Variants in GALNT17 observed in about 807,000 individuals in gnomAD.
GALNT17 encodes the protein UDP-GalNAc:polypeptide N-acetylgalactosaminyltransferase-like 3.
Under a neutral mutation model 63.7 loss-of-function variants are expected in GALNT17, and 29 were observed. The observed-to-expected ratio is 0.46, with a 90% confidence interval of 0.34 to 0.62. GALNT17 has a LOEUF of 0.62. GALNT17 is among the 20% of genes least tolerant of loss of function. The probability of loss-of-function intolerance (pLI) is 0.01; values close to 1 mark genes in which losing one functional copy is unlikely to be tolerated. For synonymous variants in GALNT17, 305 were observed against 318.3 expected, an observed-to-expected ratio of 0.96 and a Z score of 0.45; for missense variants, 603 against 799.6, an observed-to-expected ratio of 0.75 and a Z score of 2.97.
intron 5 of GALNT17, among the ~76,000 whole-genome samples, chr7:71,456,790 C>G (rs538580229): frequency 6.6e-6 from 1 of 152,240 alleles, no homozygotes; most frequent in South Asian, 2.1e-4. Context: ...CAGGACACAC[C>G]TGTGACACAG....
chr7:71,246,118 T>G (rs1479147107), intron 1 of GALNT17, among the ~76,000 whole-genome samples: 9 of 111,446 alleles, frequency 8.1e-5, no homozygotes, highest in Middle Eastern at 4.0e-3. Context: ...TTTCGTTGTT[T>G]TTTTTTTTTT....
At chr7:71,187,135 T>G (rs547653843) in intron 1 of GALNT17, among the ~76,000 whole-genome samples, 1 of 152,252 alleles carries the variant, frequency 6.6e-6, no homozygotes, top group Admixed American at 6.5e-5. Flanking sequence ...TGTTTTGTTT[T>G]TAGAGACAAG....
chr7:71,132,974 C>T lies in GALNT17; in HGVS notation c.172C>T (p.Pro58Ser), dbSNP rs1369986625. 2 of 1,609,240 alleles carry T rather than the reference C, an allele frequency of 1.2e-6. No homozygotes were observed. The highest frequency in any genetic ancestry group is 1.7e-6 in the Non-Finnish European group (2 of 1,179,100). ...VANLSAHSAS[P>S]IQDAVLKRLS... ...CAACCTCAGCGCGCACAGCGCCAGC[C>T]CCATCCAGGATGCGGTCCTGAAGCG... The change falls in exon 1 of 11, where the codon CCC (proline) becomes TCC (serine). Residue 58 changes from proline (P) to serine (S), a missense_variant. Pro to Ser is a moderately conservative substitution (Grantham distance 74). This residue lies in a region of GALNT17 where 195 missense variants were observed against 215.0 expected (regional missense o/e 0.91). Transcript: ENST00000333538.
At chr7:71,622,800 A>G (rs571510819) in intron 6 of GALNT17, among the ~76,000 whole-genome samples, 24 of 152,308 alleles carry the variant, frequency 1.6e-4, no homozygotes, top group African/African-American at 4.6e-4. Flanking sequence ...GTTCTAAGGC[A>G]CTATAGGTAG....
chr7:71,263,185 C>T (rs887955988), intron 1 of GALNT17, among the ~76,000 whole-genome samples: 1 of 151,782 alleles, frequency 6.6e-6, no homozygotes, highest in African/African-American at 2.4e-5. Flanking sequence ...TGGTGAAACC[C>T]TGTCTCTACT....
chr7:71,496,691 C>T (rs1788100855), intron 5 of GALNT17, among the ~76,000 whole-genome samples: 1 of 150,844 alleles, frequency 6.6e-6, no homozygotes, highest in Admixed American at 6.6e-5. Context: ...CCTGAGGAAG[C>T]ATAAGAGCCA....
intron 1 of GALNT17, among the ~76,000 whole-genome samples, chr7:71,325,317 A>G (rs190352928): frequency 1.3e-5 from 2 of 152,252 alleles, no homozygotes; most frequent in East Asian, 1.9e-4. Flanking sequence ...GAAACTTCCA[A>G]ACAAATGCCT....
At chr7:71,279,470 G>A (rs534965475) in intron 1 of GALNT17, among the ~76,000 whole-genome samples, 7 of 151,878 alleles carry the variant, frequency 4.6e-5, no homozygotes, top group Non-Finnish European at 8.8e-5. Context: ...CAGCAAGACC[G>A]TATCAACCTT....
chr7:71,547,030 C>T (rs1034837451), intron 5 of GALNT17, among the ~76,000 whole-genome samples: 3 of 151,868 alleles, frequency 2.0e-5, no homozygotes, highest in Non-Finnish European at 2.9e-5. Context: ...CTCACTCTGT[C>T]GCCCAGGCTG....
At chr7:71,230,038 A>G (rs1789758929) in intron 1 of GALNT17, among the ~76,000 whole-genome samples, 1 of 152,164 alleles carries the variant, frequency 6.6e-6, no homozygotes, top group African/African-American at 2.4e-5. Context: ...GCTGCAAGGA[A>G]GAGCCAAGGA....
chr7:71,214,219 T>A (rs961056519), intron 1 of GALNT17, among the ~76,000 whole-genome samples: 2 of 152,222 alleles, frequency 1.3e-5, no homozygotes, highest in Non-Finnish European at 2.9e-5. Context: ...CTATGAATAG[T>A]TCCTTCAGGT....
chr7:71,712,316 C>T lies in GALNT17; in HGVS notation c.*170C>T, dbSNP rs73356109. The T allele has an allele frequency of 2.7e-6, 2 of 749,298 alleles. No homozygotes were observed. The highest frequency in any genetic ancestry group is 2.0e-5 in the South Asian group (1 of 50,486). 46.4% of individuals were successfully genotyped at this position (749,298 alleles called of 1,614,324 possible). A position where few individuals can be genotyped will look rare whatever the true frequency, so the allele number is the denominator to read the frequency against. On this transcript the variant is annotated 3_prime_UTR_variant, in exon 11 of 11. Coordinates refer to ENST00000333538, the MANE Select transcript of GALNT17 (RefSeq NM_022479.3). ...GACCCCGGATGAAGACTCTGTCCCC[C>T]CTCAGGCATTCAGCTGCCCACAAGT...
intron 1 of GALNT17, among the ~76,000 whole-genome samples, chr7:71,295,708 C>T (rs28670821): frequency 0.18 from 28,015 of 151,924 alleles, 2,809 homozygotes; most frequent in East Asian, 0.32. Context: ...AAGCAATCCT[C>T]CTGCCTCAGC....
At chr7:71,265,592 A>C (rs1380200033) in intron 1 of GALNT17, among the ~76,000 whole-genome samples, 4 of 152,204 alleles carry the variant, frequency 2.6e-5, no homozygotes, top group African/African-American at 9.7e-5. Context: ...GTGACTGATT[A>C]GCAGAGATTT....
chr7:71,327,743 C>A lies in GALNT17; in HGVS notation c.239-7807C>A, dbSNP rs530653985. Among the ~76,000 whole-genome samples the A allele has an allele frequency of 2.0e-5, 3 of 152,248 alleles. No individual in the cohort carries two copies. The East Asian group carries it at 5.8e-4, about 29-fold the overall frequency. On this transcript the variant is annotated intron_variant, in intron 1 of 10. Coordinates refer to ENST00000333538, the MANE Select transcript of GALNT17 (RefSeq NM_022479.3). ...TAGTGAATGACCCCAGGGCTAGCAA[C>A]AGAGAGGGAAGAAATTGCCACCCTA...
intron 5 of GALNT17, among the ~76,000 whole-genome samples, chr7:71,479,432 C>T (rs1380530363): frequency 6.6e-6 from 1 of 152,188 alleles, no homozygotes; most frequent in Non-Finnish European, 1.5e-5. Flanking sequence ...GTGGAGACAG[C>T]TTCCTTGATT....
At chr7:71,170,482 CAT>C (rs1486702195) in intron 1 of GALNT17, among the ~76,000 whole-genome samples, 10 of 152,094 alleles carry the variant, frequency 6.6e-5, no homozygotes, top group Non-Finnish European at 1.3e-4. Flanking sequence ...ATTACAGGCA[CAT>C]GCGATCACCC....
intron 1 of GALNT17, among the ~76,000 whole-genome samples, chr7:71,216,461 A>G (rs1789479428): frequency 6.6e-6 from 1 of 152,114 alleles, no homozygotes; most frequent in African/African-American, 2.4e-5. Context: ...ATTCAACTTC[A>G]TCTTTGCTTT....
chr7:71,539,707 CTTT>C (rs71089953), intron 5 of GALNT17, among the ~76,000 whole-genome samples: 8 of 71,414 alleles, frequency 1.1e-4, no homozygotes, highest in African/African-American at 1.2e-4. Flanking sequence ...TTAGTCCCAC[CTTT>C]TTTTTTTTTT....
Sources: gnomAD v4.1 joint callset for allele counts (sites outside exome capture counted in the v4.1 genomes callset) on GRCh38, gnomAD v4.1.1 for gene constraint, gnomAD v4.1.1 regional missense constraint, MANE v1.5 for transcripts, NCBI Gene and HGNC (gene_info 2026-07-23, HGNC 2026-07-21) for gene names.